The following COL21A1 variants were observed in gnomAD, a reference collection of about 807,000 sequenced individuals.
The protein encoded by COL21A1 is collagen alpha-1(XXI) chain.
A neutral mutation model predicts 137.9 loss-of-function variants in COL21A1; 149 were observed. The observed-to-expected ratio is 1.08, with a 90% confidence interval of 0.95 to 1.24. The LOEUF (loss-of-function observed/expected upper bound fraction) is 1.24. Among genes scored for constraint, COL21A1 ranks in the 50% most tolerant of loss-of-function variants. The pLI is 0.00. For missense variants in COL21A1, 1,167 were observed against 1,158.4 expected, an observed-to-expected ratio of 1.01 and a Z score of -0.11; for synonymous variants, 456 against 391.5, an observed-to-expected ratio of 1.16 and a Z score of -1.95.
At chr6:56,064,437 A>T (rs539724240) in intron 24 of COL21A1, 141 bp downstream of exon 24, 1 of 556,062 alleles carries the variant, frequency 1.8e-6, no homozygotes, top group African/African-American at 1.9e-5. Flanking sequence ...CACTACCTAC[A>T]TGTTCAACCT....
chr6:56,177,621 G>A (rs1172862552), intron 3 of COL21A1, among the ~76,000 whole-genome samples: 5 of 151,732 alleles, frequency 3.3e-5, no homozygotes. Flanking sequence ...GGTGAAACCC[G>A]TTCTCTACTA....
At chr6:56,374,699 T>C (rs1337505580) in intron 1 of COL21A1, among the ~76,000 whole-genome samples, 1 of 133,050 alleles carries the variant, frequency 7.5e-6, no homozygotes, top group African/African-American at 2.9e-5. Context: ...TCCAGCCTTG[T>C]GACAGAGTGA....
At chr6:56,223,906 G>T (rs145007996) in intron 1 of COL21A1, among the ~76,000 whole-genome samples, 1 of 151,744 alleles carries the variant, frequency 6.6e-6, no homozygotes, top group African/African-American at 2.4e-5. Context: ...CTCATGGAGT[G>T]TTCTGTGCAT....
At chr6:56,363,847 A>C (rs956202743) in intron 1 of COL21A1, among the ~76,000 whole-genome samples, 1 of 152,234 alleles carries the variant, frequency 6.6e-6, no homozygotes, top group Non-Finnish European at 1.5e-5. Context: ...CTACTTCAGA[A>C]ATCTGAGAAC....
chr6:56,071,485 A>G (rs1037193656), intron 20 of COL21A1, among the ~76,000 whole-genome samples: 1 of 151,588 alleles, frequency 6.6e-6, no homozygotes, highest in African/African-American at 2.4e-5. Context: ...ATGTCTGGCA[A>G]AAGCCCATAA....
intron 1 of COL21A1, among the ~76,000 whole-genome samples, chr6:56,321,220 AT>A (rs1333735931): frequency 6.6e-6 from 1 of 152,138 alleles, no homozygotes; most frequent in African/African-American, 2.4e-5. Flanking sequence ...GTTTTAGACC[AT>A]GTTTTCAAGA....
chr6:56,328,600 TAAC>T (rs972613712), intron 1 of COL21A1, among the ~76,000 whole-genome samples: 3 of 152,220 alleles, frequency 2.0e-5, no homozygotes, highest in Middle Eastern at 3.4e-3. Context: ...CCTGAATAAA[TAAC>T]AAGTTATAAT....
Position 56,179,581 on chromosome 6 carries a change from C to A in COL21A1, c.637G>T (p.Glu213Ter). The A allele has an allele frequency of 6.2e-7, 1 of 1,603,888 alleles. No homozygotes were observed. The highest frequency in any genetic ancestry group is 1.1e-5 in the South Asian group (1 of 89,936). ...IREVMKQKLCEESVCPTRIPV... is the reference protein window; with the variant it reads ...IREVMKQKLC Reference sequence around the variant, plus strand: ...ATTAAGGCATTTTAAGGCTTACCTTCACAAAGTTTCTGCTTCATCACTTCC... The same window carrying A: ...ATTAAGGCATTTTAAGGCTTACCTTAACAAAGTTTCTGCTTCATCACTTCC... Residue 213 changes from glutamate (E) to a stop codon, truncating the protein, a stop_gained, in exon 3 of 30, where the codon GAA becomes TAA. Transcript: ENST00000244728. LOFTEE classifies it high-confidence loss of function.
chr6:56,163,395 C>G (rs1742880318), intron 9 of COL21A1, among the ~76,000 whole-genome samples: 1 of 152,198 alleles, frequency 6.6e-6, no homozygotes, highest in African/African-American at 2.4e-5. Context: ...AGTGATGCCA[C>G]AAGAAGCACA....
chr6:56,270,848 C>T (rs1035155884), intron 1 of COL21A1, among the ~76,000 whole-genome samples: 1 of 152,206 alleles, frequency 6.6e-6, no homozygotes, highest in Non-Finnish European at 1.5e-5. Flanking sequence ...TTCCCCTTCA[C>T]CTTCTGCCAC....
At chr6:56,090,049 G>A (rs986303624) in intron 17 of COL21A1, among the ~76,000 whole-genome samples, 1 of 152,098 alleles carries the variant, frequency 6.6e-6, no homozygotes, top group African/African-American at 2.4e-5. Flanking sequence ...AGACCATCCT[G>A]GCCAAAATGG....
intron 17 of COL21A1, among the ~76,000 whole-genome samples, chr6:56,099,395 C>T (rs1457673909): frequency 6.6e-6 from 1 of 151,560 alleles, no homozygotes; most frequent in African/African-American, 2.4e-5. Flanking sequence ...CGCCACCACG[C>T]CTGGCTAATT....
intron 1 of COL21A1, among the ~76,000 whole-genome samples, chr6:56,314,192 T>C (rs1164123629): frequency 1.3e-5 from 2 of 152,062 alleles, no homozygotes; most frequent in African/African-American, 2.4e-5. Context: ...ACCATGTTGG[T>C]CAGGATGATC....
intron 1 of COL21A1, among the ~76,000 whole-genome samples, chr6:56,213,376 T>C (rs1050672215): frequency 1.3e-5 from 2 of 152,020 alleles, no homozygotes; most frequent in Non-Finnish European, 2.9e-5. Context: ...CAATAATACC[T>C]CCTAGCTCAC....
chr6:56,338,251 G>GT (rs1227834405), intron 1 of COL21A1, among the ~76,000 whole-genome samples: 1 of 151,978 alleles, frequency 6.6e-6, no homozygotes, highest in Non-Finnish European at 1.5e-5. Flanking sequence ...GGCGTGAGGG[G>GT]TTTTTTCTTT....
At chr6:56,294,394 G>A (rs985193409) in intron 1 of COL21A1, among the ~76,000 whole-genome samples, 1 of 152,046 alleles carries the variant, frequency 6.6e-6, no homozygotes, top group Non-Finnish European at 1.5e-5. Context: ...GTATATTCAA[G>A]TGAAAAGCAA....
chr6:56,191,735 TAA>T (rs1778696714), intron 1 of COL21A1, among the ~76,000 whole-genome samples: 1 of 151,154 alleles, frequency 6.6e-6, no homozygotes, highest in African/African-American at 2.4e-5. Flanking sequence ...CTCAAGGAAA[TAA>T]GAGAGGACAC....
chr6:56,388,509 T>A (rs950717224), intron 1 of COL21A1, among the ~76,000 whole-genome samples: 4 of 152,226 alleles, frequency 2.6e-5, no homozygotes, highest in African/African-American at 4.8e-5. Flanking sequence ...TGCTGTCCAA[T>A]GTTGTGCCTC....
At chr6:56,326,737 TAGAAACCTTTAATAA>T (rs1765102589) in intron 1 of COL21A1, among the ~76,000 whole-genome samples, 1 of 152,058 alleles carries the variant, frequency 6.6e-6, no homozygotes, top group Non-Finnish European at 1.5e-5. Context: ...AAGGAAATTG[TAGAAACCTTTAATAA>T]AATAACTTAA....
Sources: allele counts gnomAD v4.1 joint callset (sites outside exome capture counted in the v4.1 genomes callset), GRCh38; gene constraint gnomAD v4.1.1; transcripts MANE v1.5; gene names NCBI Gene and HGNC (gene_info 2026-07-23, HGNC 2026-07-21).